The following LRBA variants were observed in gnomAD, a reference collection of about 807,000 sequenced individuals.
The protein encoded by LRBA is lipopolysaccharide-responsive and beige-like anchor protein.
LRBA carries 176 observed loss-of-function variants against 330.0 expected under a neutral mutation model. That is an observed-to-expected ratio of 0.53 (90% CI 0.47 to 0.60). The LOEUF (loss-of-function observed/expected upper bound fraction) is 0.60. LRBA is among the 20% of genes least tolerant of loss of function. The probability of loss-of-function intolerance (pLI) is 0.00; values close to 1 mark genes in which losing one functional copy is unlikely to be tolerated. For synonymous variants in LRBA, 1,230 were observed against 1,193.0 expected (o/e 1.03, Z -0.64); for missense variants, 3,259 against 3,444.8 (o/e 0.95, Z 1.35).
intron 13 of LRBA, among the ~76,000 whole-genome samples, chr4:150,904,223 C>T (rs1731065085): frequency 1.3e-5 from 2 of 152,168 alleles, no homozygotes. Flanking sequence ...TCTTCCAAGA[C>T]CCTAAACCTA....
At position 150,893,117 on chromosome 4, in the gene LRBA, A is replaced by C; in HGVS notation, c.2100T>G (p.Leu700=). The C allele has an allele frequency of 2.5e-6, 4 of 1,612,196 alleles. No homozygotes were observed. Among genetic ancestry groups the C allele is most frequent in the Non-Finnish European group, 3.4e-6 (4 of 1,178,712 alleles). The change falls in exon 17 of 57, where the codon CTT becomes CTG. Residue 700 remains leucine (L), a synonymous_variant. Coordinates refer to ENST00000651943, the MANE Select transcript of LRBA (RefSeq NM_001364905.1). ...TAGGGTGTTCTGACATTAATGCAAC[A>C]AGCAGCTGTAGGACATCCATTAGAT... ...DDNLMDVLQL[L]VALMSEHPNS... is the part of the protein sequence containing the mutation.
rs532735624 is a variant in LRBA at position 150,377,140 on chromosome 4, G to GAAA, written c.7195-26984_7195-26982dup. ...AGATCCCATCTCCATAAAAATAATG[G>GAAA]AAAAAAAAAAAAAAAAGAAGCTCTT... On this transcript the variant is annotated intron_variant, in intron 47 of 56. Transcript: ENST00000651943. Among the ~76,000 whole-genome samples the GAAA allele has an allele frequency of 8.5e-3, 1,024 of 120,790 alleles. 14 individuals are homozygous for GAAA. The highest frequency in any genetic ancestry group is 0.011 in the Non-Finnish European group (627 of 58,372). The allele number at this position is 120,790 out of a possible 152,430, so 79.2% of individuals were successfully genotyped here.
chr4:150,738,383 A>C (rs1731502956), intron 35 of LRBA, among the ~76,000 whole-genome samples: 2 of 152,156 alleles, frequency 1.3e-5, no homozygotes, highest in Non-Finnish European at 2.9e-5. Context: ...CAACAAACCT[A>C]AGAGGGTAGA....
intron 47 of LRBA, among the ~76,000 whole-genome samples, chr4:150,398,635 T>TA (rs1745066240): frequency 6.7e-6 from 1 of 149,752 alleles, no homozygotes; most frequent in Non-Finnish European, 1.5e-5. Context: ...CTTTCTTTCT[T>TA]TTTTTTTTTG....
At chr4:150,936,789 T>C (rs1488849550) in intron 2 of LRBA, among the ~76,000 whole-genome samples, 1 of 152,036 alleles carries the variant, frequency 6.6e-6, no homozygotes, top group Non-Finnish European at 1.5e-5. Flanking sequence ...TTGTACATCA[T>C]TTCATATAAG....
At chr4:150,500,009 TAC>T (rs1760050909) in intron 40 of LRBA, among the ~76,000 whole-genome samples, 1 of 152,094 alleles carries the variant, frequency 6.6e-6, no homozygotes, top group South Asian at 2.1e-4. Context: ...GATACAAAAT[TAC>T]AGTTAGACAG....
intron 36 of LRBA, among the ~76,000 whole-genome samples, chr4:150,719,525 A>C (rs887301443): frequency 1.7e-4 from 26 of 152,142 alleles, no homozygotes; most frequent in Admixed American, 1.7e-3. Flanking sequence ...TTTAAAAATA[A>C]TGAAACAATG....
intron 47 of LRBA, among the ~76,000 whole-genome samples, chr4:150,362,729 C>T (rs566552273): frequency 1.2e-3 from 183 of 152,330 alleles, no homozygotes; most frequent in African/African-American, 4.3e-3. Flanking sequence ...ATCGTACAAT[C>T]TGCCTCCAGC....
intron 2 of LRBA, among the ~76,000 whole-genome samples, chr4:150,937,426 G>A (rs756340841): frequency 3.3e-5 from 5 of 152,074 alleles, no homozygotes; most frequent in Non-Finnish European, 7.4e-5. Context: ...CTTCCCAAAT[G>A]TCACAGTAAG....
chr4:150,300,134 C>A (rs1314276435), intron 53 of LRBA, among the ~76,000 whole-genome samples: 7 of 152,112 alleles, frequency 4.6e-5, no homozygotes, highest in African/African-American at 1.4e-4. Context: ...TTCCATTTTT[C>A]TATTCTAATA....
chr4:150,625,807 T>C (rs978723104), intron 37 of LRBA, among the ~76,000 whole-genome samples: 1 of 151,812 alleles, frequency 6.6e-6, no homozygotes. Flanking sequence ...CCTCCCGGGT[T>C]AGAGTGATTC....
intron 2 of LRBA, among the ~76,000 whole-genome samples, chr4:150,997,392 C>T (rs1742778894): frequency 6.6e-6 from 1 of 152,162 alleles, no homozygotes; most frequent in African/African-American, 2.4e-5. Flanking sequence ...ATTTGACTCA[C>T]TCAAACTATT....
intron 47 of LRBA, among the ~76,000 whole-genome samples, chr4:150,393,571 A>G (rs1332960256): frequency 6.6e-6 from 1 of 151,754 alleles, no homozygotes. Context: ...TGTAACCTCA[A>G]ACTCCTGGGC....
At chr4:150,606,149 A>G (rs1027094874) in intron 37 of LRBA, among the ~76,000 whole-genome samples, 1 of 152,160 alleles carries the variant, frequency 6.6e-6, no homozygotes, top group African/African-American at 2.4e-5. Flanking sequence ...CAAGTTAATT[A>G]TTCAAGAAAT....
At chr4:151,011,597 C>CAAAAAAAAAAAAAAAAAAAAAAAAAAAA (rs77338885) in intron 2 of LRBA, among the ~76,000 whole-genome samples, 1 of 90,518 alleles carries the variant, frequency 1.1e-5, no homozygotes. Flanking sequence ...GACTCTATCT[C>CAAAAAAAAAAAAAAAAAAAAAAAAAAAA]AAAAAAAAAA....
At chr4:150,672,126 T>A (rs994678537) in intron 37 of LRBA, among the ~76,000 whole-genome samples, 3 of 152,218 alleles carry the variant, frequency 2.0e-5, no homozygotes, top group African/African-American at 4.8e-5. Context: ...ACAGTGATTT[T>A]TACCATTGAC....
intron 34 of LRBA, among the ~76,000 whole-genome samples, chr4:150,777,361 C>T (rs145327189): frequency 9.3e-5 from 14 of 150,560 alleles, no homozygotes; most frequent in African/African-American, 3.5e-4. Context: ...AGAAACCAAA[C>T]ATAATTTATA....
chr4:150,940,232 G>A (rs1206841350), intron 2 of LRBA, among the ~76,000 whole-genome samples: 1 of 78,594 alleles, frequency 1.3e-5, no homozygotes, highest in African/African-American at 4.3e-5. Flanking sequence ...AGCAAGACCT[G>A]GTCTCTTAAA....
intron 47 of LRBA, among the ~76,000 whole-genome samples, chr4:150,387,166 A>G (rs1364110809): frequency 6.6e-6 from 1 of 151,932 alleles, no homozygotes; most frequent in Non-Finnish European, 1.5e-5. Context: ...CCTTTGTCAG[A>G]TGGATAGATT....
Sources: gnomAD v4.1 joint callset for allele counts (sites outside exome capture counted in the v4.1 genomes callset) on GRCh38, gnomAD v4.1.1 for gene constraint, MANE v1.5 for transcripts, NCBI Gene and HGNC (gene_info 2026-07-23, HGNC 2026-07-21) for gene names.